The following PPP1R21 variants were observed in gnomAD, a reference collection of about 807,000 sequenced individuals.
PPP1R21 encodes protein phosphatase 1 regulatory subunit 21, also known as KLRAQ motif containing 1.
A neutral mutation model predicts 112.8 loss-of-function variants in PPP1R21; 85 were observed. The ratio of observed to expected loss-of-function variants is 0.75; its 90% CI spans 0.63 to 0.90. PPP1R21 has a LOEUF of 0.90. Ranked by LOEUF, PPP1R21 falls within the 40% of genes least tolerant of loss-of-function variation. The probability of loss-of-function intolerance (pLI) is 0.00; values close to 1 mark genes in which losing one functional copy is unlikely to be tolerated. For synonymous variants in PPP1R21, 381 were observed against 322.3 expected (o/e 1.18, Z -1.95); for missense variants, 1,199 against 901.5 (o/e 1.33, Z -4.23).
chr2:48,496,243 A>G (rs1032401461), intron 16 of PPP1R21, among the ~76,000 whole-genome samples: 1 of 152,094 alleles, frequency 6.6e-6, no homozygotes, highest in Non-Finnish European at 1.5e-5. Context: ...ATATTTGTCC[A>G]CAGTTGGTGG....
chr2:48,511,648 G>T (rs1670648029), intron 21 of PPP1R21, among the ~76,000 whole-genome samples, 180 bp downstream of exon 21: 1 of 151,338 alleles, frequency 6.6e-6, no homozygotes, highest in South Asian at 2.1e-4. Flanking sequence ...GATCCCTTGA[G>T]GCCAGGAGTT....
chr2:48,510,986 A>C (rs933798578), intron 20 of PPP1R21, among the ~76,000 whole-genome samples: 5 of 152,198 alleles, frequency 3.3e-5, no homozygotes, highest in Admixed American at 1.3e-4. Context: ...GCTGCATGTC[A>C]ATTGATCAGA....
intron 21 of PPP1R21, among the ~76,000 whole-genome samples, chr2:48,512,018 A>C (rs983693000): frequency 6.6e-6 from 1 of 152,132 alleles, no homozygotes. Flanking sequence ...GCTTTTTGGC[A>C]TTTTTGGCAT....
intron 2 of PPP1R21, among the ~76,000 whole-genome samples, chr2:48,453,741 T>G (rs955924123): frequency 2.6e-5 from 4 of 152,250 alleles, no homozygotes; most frequent in Non-Finnish European, 5.9e-5. Context: ...CATTTAGCTT[T>G]AAAGTGAATT....
intron 9 of PPP1R21, among the ~76,000 whole-genome samples, chr2:48,468,825 ATGTATG>A (rs1190280604): frequency 2.3e-5 from 1 of 43,906 alleles, no homozygotes; most frequent in African/African-American, 8.5e-5. Flanking sequence ...AAGAAAAAAA[ATGTATG>A]TGTGTGTGTG....
intron 12 of PPP1R21, among the ~76,000 whole-genome samples, chr2:48,477,840 C>T (rs1297222847): frequency 6.6e-6 from 1 of 151,960 alleles, no homozygotes; most frequent in Non-Finnish European, 1.5e-5. Flanking sequence ...ATTGTGTCCC[C>T]CAAAATAATA....
In PPP1R21 at chr2:48,465,548, C is replaced by T. The variant is rs750831341; in HGVS notation, c.803C>T (p.Thr268Met). The T allele has an allele frequency of 1.5e-5, 24 of 1,613,710 alleles. No individual in the cohort carries two copies. The highest frequency in any genetic ancestry group is 8.0e-5 in the African/African-American group (6 of 74,884). ...CTGGCTTTTGTTCAGGATCTTGTGA[C>T]GGCTCTTCTAAACTTTCATACCTAC... ...QALAFVQDLV[T>M]ALLNFHTYTE... is the part of the protein sequence containing the mutation. The change falls in exon 9 of 22, where the codon ACG becomes ATG. Residue 268 changes from threonine to methionine, a missense_variant. Transcript: ENST00000294952.
chr2:48,469,430 GCATATATATATAT>G (rs1355283937), intron 9 of PPP1R21, among the ~76,000 whole-genome samples: 17 of 84,990 alleles, frequency 2.0e-4, no homozygotes, highest in Admixed American at 6.2e-4. Flanking sequence ...TATATATAGA[GCATATATATATAT>G]AGAGAGAGCA....
rs562507547 is a variant in PPP1R21 at position 48,510,076 on chromosome 2, A to C, written c.2147A>C (p.Glu716Ala). Residue 716 changes from glutamate (E) to alanine (A), a missense_variant, in exon 20 of 22, where the codon GAA (glutamate) becomes GCA (alanine). Physicochemically the swap from Glu to Ala is moderately radical, Grantham distance 107 (BLOSUM62 -1). Transcript: ENST00000294952. ...AAGTCTAAGGAAGCATTGACAGAAG[A>C]AATGAAACTTGCCAGTCAGAACATC... ...AEKSKEALTEEMKLASQNISR... is the reference protein window; with the variant it reads ...AEKSKEALTEAMKLASQNISR... 25 of 1,614,104 alleles carry C rather than the reference A, an allele frequency of 1.5e-5. No homozygotes were observed. The South Asian group carries it at 2.4e-4, about 16-fold the overall frequency.
At chr2:48,483,189 T>G (rs1669106908) in intron 13 of PPP1R21, among the ~76,000 whole-genome samples, 1 of 131,148 alleles carries the variant, frequency 7.6e-6, no homozygotes, top group Non-Finnish European at 1.6e-5. Flanking sequence ...AAGATACTTT[T>G]TTTTCCTTTT....
chr2:48,490,703 A>G (rs1040782627), intron 14 of PPP1R21, among the ~76,000 whole-genome samples: 2 of 152,236 alleles, frequency 1.3e-5, no homozygotes, highest in Non-Finnish European at 2.9e-5. Flanking sequence ...GCAGAAATCA[A>G]TGAGGTAAAG....
intron 15 of PPP1R21, among the ~76,000 whole-genome samples, chr2:48,494,876 C>G (rs1327404782): frequency 6.6e-6 from 1 of 151,926 alleles, no homozygotes; most frequent in Non-Finnish European, 1.5e-5. Flanking sequence ...TGCCACCACG[C>G]CTGGCTAATT....
intron 2 of PPP1R21, 126 bp from the exon 3 acceptor site, chr2:48,454,465 CACAT>C (rs1351044415): frequency 2.6e-5 from 28 of 1,057,902 alleles, no homozygotes; most frequent in Non-Finnish European, 3.6e-5. Context: ...TGAAGTGATA[CACAT>C]ACAACCTGAA....
intron 14 of PPP1R21, among the ~76,000 whole-genome samples, chr2:48,488,453 A>G (rs886201637): frequency 1.3e-5 from 2 of 148,790 alleles, no homozygotes; most frequent in Admixed American, 6.8e-5. Context: ...TGCAAGCTCC[A>G]CCTCCCAGGT....
chr2:48,448,178 G>A (rs1008902109), intron 1 of PPP1R21, among the ~76,000 whole-genome samples: 1 of 152,100 alleles, frequency 6.6e-6, no homozygotes, highest in African/African-American at 2.4e-5. Flanking sequence ...AGGTCTTTCA[G>A]ATAACAGTTT....
intron 12 of PPP1R21, among the ~76,000 whole-genome samples, chr2:48,479,115 A>G (rs1668888925): frequency 6.6e-6 from 1 of 152,112 alleles, no homozygotes; most frequent in African/African-American, 2.4e-5. Context: ...TGGCAGCACC[A>G]CGCCCAAGGT....
At chr2:48,451,129 T>C in intron 2 of PPP1R21, 53 bp downstream of exon 2, 2 of 1,443,614 alleles carry the variant, frequency 1.4e-6, no homozygotes, top group Non-Finnish European at 9.8e-7. Flanking sequence ...TTGGTGTTGC[T>C]CAAAGCAGGT....
At chr2:48,449,387 A>G (rs895483983) in intron 1 of PPP1R21, among the ~76,000 whole-genome samples, 5 of 152,224 alleles carry the variant, frequency 3.3e-5, no homozygotes, top group Admixed American at 2.0e-4. Context: ...TTCCCATTCT[A>G]TAGACCATAT....
chr2:48,491,250 T>C lies in PPP1R21; in HGVS notation c.1599+80T>C, dbSNP rs1669549865. ...GAGAATGGCAAGAGTTTTTCTGCAG[T>C]TTATATTGTTGACTTTTTATACGAT... On this transcript the variant is annotated intron_variant, in intron 15 of 21. Transcript: ENST00000294952. 4.1e-6 allele frequency: 6 copies of C among 1,467,116 alleles called. No homozygotes were observed. The Admixed American group carries it at 1.3e-4, about 31-fold the overall frequency. 90.9% of individuals were successfully genotyped at this position (1,467,116 alleles called of 1,614,324 possible). A position where few individuals can be genotyped will look rare whatever the true frequency, so the allele number is the denominator to read the frequency against.
Sources: allele counts gnomAD v4.1 joint callset (sites outside exome capture counted in the v4.1 genomes callset), GRCh38; gene constraint gnomAD v4.1.1; transcripts MANE v1.5; gene names NCBI Gene and HGNC (gene_info 2026-07-23, HGNC 2026-07-21).